Variants in GRB10 observed in about 807,000 individuals in gnomAD.
The protein encoded by GRB10 is growth factor receptor bound protein 10.
A neutral mutation model predicts 80.9 loss-of-function variants in GRB10; 20 were observed. The ratio of observed to expected loss-of-function variants is 0.25; its 90% CI spans 0.17 to 0.36. The LOEUF (loss-of-function observed/expected upper bound fraction) is 0.36, where lower values mean the gene tolerates loss of function less well. GRB10 is among the 10% of genes least tolerant of loss of function. The pLI, the probability that GRB10 is intolerant of heterozygous loss-of-function variation, is 1.00. For synonymous variants in GRB10, 291 were observed against 291.5 expected, an observed-to-expected ratio of 1.00 and a Z score of 0.02; for missense variants, 548 against 747.7, an observed-to-expected ratio of 0.73 and a Z score of 3.12.
intron 2 of GRB10, among the ~76,000 whole-genome samples, chr7:50,768,898 T>C (rs1026052176): frequency 1.3e-5 from 2 of 152,198 alleles, no homozygotes; most frequent in African/African-American, 4.8e-5. Context: ...GAACAGCTCC[T>C]CCTTTTCTAT....
chr7:50,745,347 A>G (rs1201910038), intron 3 of GRB10, among the ~76,000 whole-genome samples: 1 of 152,224 alleles, frequency 6.6e-6, no homozygotes, highest in African/African-American at 2.4e-5. Flanking sequence ...GGAATCCTTG[A>G]TACTTGAATT....
chr7:50,703,477 C>T (rs1409187682), intron 5 of GRB10, among the ~76,000 whole-genome samples: 1 of 152,144 alleles, frequency 6.6e-6, no homozygotes, highest in African/African-American at 2.4e-5. Flanking sequence ...CACCCAAAAC[C>T]GTCTTAATTG....
chr7:50,611,786 A>G (rs962588714), intron 13 of GRB10, among the ~76,000 whole-genome samples: 6 of 152,202 alleles, frequency 3.9e-5, no homozygotes, highest in African/African-American at 1.4e-4. Context: ...GGACCAGCTC[A>G]AAGGCCACTA....
intron 4 of GRB10, among the ~76,000 whole-genome samples, chr7:50,726,436 G>T (rs1409387212): frequency 6.6e-6 from 1 of 151,942 alleles, no homozygotes; most frequent in Non-Finnish European, 1.5e-5. Flanking sequence ...TAGAAAATAT[G>T]TGATAAATAT....
chr7:50,711,393 C>T (rs988724553), intron 4 of GRB10, among the ~76,000 whole-genome samples: 1 of 152,140 alleles, frequency 6.6e-6, no homozygotes, highest in African/African-American at 2.4e-5. Context: ...TCCCAAACCC[C>T]TCCTGCCCAG....
At chr7:50,734,063 T>C (rs1197286984) in intron 3 of GRB10, among the ~76,000 whole-genome samples, 6 of 151,910 alleles carry the variant, frequency 3.9e-5, no homozygotes, top group Non-Finnish European at 2.9e-5. Context: ...AATATTTATA[T>C]ATTTAAACAT....
intron 2 of GRB10, among the ~76,000 whole-genome samples, chr7:50,759,423 G>C (rs1045138417): frequency 5.3e-5 from 8 of 152,078 alleles, no homozygotes; most frequent in Non-Finnish European, 1.2e-4. Flanking sequence ...TCGGTTCCAG[G>C]ACACCAGAGA....
At chr7:50,698,152 CTTATT>C (rs905774425) in intron 5 of GRB10, among the ~76,000 whole-genome samples, 3 of 151,434 alleles carry the variant, frequency 2.0e-5, no homozygotes, top group Non-Finnish European at 2.9e-5. Flanking sequence ...AATTGTTTAT[CTTATT>C]TTATTTATAG....
At position 50,667,599 on chromosome 7, in the gene GRB10, C is replaced by T. The variant is rs560090880; in HGVS notation, c.504+2123G>A. On this transcript the variant is annotated intron_variant, in intron 7 of 18. Transcript: ENST00000401949. ...CTACCGACTGCACTGAGAAAACACA[C>T]TTTTCATGAGATCAGAAGTCAACAC... Among the ~76,000 whole-genome samples the T allele has an allele frequency of 8.5e-4, 129 of 151,792 alleles. 1 individual carries two copies. Among genetic ancestry groups the T allele is most frequent in the African/African-American group, 3.0e-3 (123 of 41,334 alleles).
rs538960847 is a variant in GRB10 at position 50,622,855 on chromosome 7, AAC to A, written c.662-3572_662-3571del. Among the ~76,000 whole-genome samples the A allele has an allele frequency of 4.2e-3, 640 of 152,114 alleles. 2 individuals are homozygous for A. Among genetic ancestry groups the A allele is most frequent in the South Asian group, 0.013 (63 of 4,802 alleles). The stretch of plus-strand genomic sequence containing the variant: ...CAAGCAGCTGGAGTGCAGTGATGCA[AAC>A]ACAGCTCTCTGCAGCCTCAACTTCC... On this transcript the variant is annotated intron_variant, in intron 8 of 18. Coordinates refer to ENST00000401949, the MANE Select transcript of GRB10 (RefSeq NM_001350814.2).
At chr7:50,624,154 TG>T (rs1302240055) in intron 8 of GRB10, among the ~76,000 whole-genome samples, 1 of 152,212 alleles carries the variant, frequency 6.6e-6, no homozygotes, top group African/African-American at 2.4e-5. Context: ...AAGCACTACC[TG>T]CCTTTTGCCC....
chr7:50,630,546 G>A (rs1037810035), intron 7 of GRB10, among the ~76,000 whole-genome samples: 1 of 152,170 alleles, frequency 6.6e-6, no homozygotes, highest in Admixed American at 6.5e-5. Flanking sequence ...GAAGGGTGCA[G>A]GGGCAGGACC....
intron 4 of GRB10, among the ~76,000 whole-genome samples, chr7:50,718,508 G>A (rs2067224390): frequency 2.0e-5 from 3 of 152,082 alleles, no homozygotes; most frequent in Admixed American, 2.0e-4. Context: ...TGCTTCCTGA[G>A]CACACTGACT....
intron 5 of GRB10, among the ~76,000 whole-genome samples, chr7:50,675,417 G>A (rs2060824973): frequency 6.6e-6 from 1 of 152,276 alleles, no homozygotes; most frequent in Non-Finnish European, 1.5e-5. Flanking sequence ...GTGCCAACTT[G>A]GCTGGGCCAT....
intron 2 of GRB10, among the ~76,000 whole-genome samples, chr7:50,769,046 C>T (rs991891930): frequency 2.0e-5 from 3 of 152,156 alleles, no homozygotes; most frequent in African/African-American, 7.2e-5. Flanking sequence ...TGATGCCCAC[C>T]TCTGAACTCA....
In GRB10 at chr7:50,733,619, G is replaced by A. The variant is rs1318422485; in HGVS notation, c.-46-1251C>T. ...AGCAGGTCCATGACCTGGCTCAGAC[G>A]TCCCCAACCTACTCAGTGAGAACTG... On this transcript the variant is annotated intron_variant, in intron 3 of 18. Transcript: ENST00000401949. Among the ~76,000 whole-genome samples, 4 of 152,182 alleles carry A rather than the reference G, an allele frequency of 2.6e-5. 1 individual carries two copies. Among genetic ancestry groups the A allele is most frequent in the East Asian group, 3.9e-4 (2 of 5,190 alleles).
intron 2 of GRB10, among the ~76,000 whole-genome samples, chr7:50,773,473 GAGGGGAAGGCAGGGGA>G (rs2077231615): frequency 4.8e-5 from 1 of 20,862 alleles, no homozygotes; most frequent in South Asian, 3.1e-3. Context: ...GAAGGCAGGG[GAGGGGAAGGCAGGGGA>G]GGGGAGGGGA....
In GRB10 at chr7:50,711,559, T is replaced by C. The variant is rs75986730; in HGVS notation, c.52-7651A>G. 9.7e-3 allele frequency among the ~76,000 whole-genome samples: 1,482 copies of C among 152,324 alleles called. 23 individuals carry two copies. The highest frequency in any genetic ancestry group is 0.033 in the African/African-American group (1,386 of 41,560). Reference sequence around the variant, plus strand: ...TAAAATGTTTCAAACCGCAAGTCTATTAAGCTATTGCAGCCGAGTGAAGAG... The same window carrying C: ...TAAAATGTTTCAAACCGCAAGTCTACTAAGCTATTGCAGCCGAGTGAAGAG... On this transcript the variant is annotated intron_variant, in intron 4 of 18. Coordinates refer to ENST00000401949, the MANE Select transcript of GRB10 (RefSeq NM_001350814.2).
chr7:50,757,281 T>C (rs2075219321), intron 2 of GRB10, among the ~76,000 whole-genome samples: 1 of 152,232 alleles, frequency 6.6e-6, no homozygotes, highest in Non-Finnish European at 1.5e-5. Context: ...AGTATCTCTC[T>C]CACGGAGCTT....
Sources: gnomAD v4.1 joint callset for allele counts (sites outside exome capture counted in the v4.1 genomes callset) on GRCh38, gnomAD v4.1.1 for gene constraint, MANE v1.5 for transcripts, NCBI Gene and HGNC (gene_info 2026-07-23, HGNC 2026-07-21) for gene names.